ABCB5: variants seen among roughly 807,000 people sequenced by gnomAD.
The protein encoded by ABCB5 is ATP-binding cassette sub-family B member 5.
In ABCB5, 155 loss-of-function variants were observed where a neutral mutation model predicts 144.2. The observed-to-expected ratio is 1.08, with a 90% CI of 0.94 to 1.23. The LOEUF (loss-of-function observed/expected upper bound fraction) is 1.23, where lower values mean the gene tolerates loss of function less well. ABCB5 is among the 50% of genes most tolerant of loss of function. The pLI is 0.00. For synonymous variants in ABCB5, 610 were observed against 528.6 expected, an observed-to-expected ratio of 1.15 and a Z score of -2.11; for missense variants, 1,830 against 1,520.8, an observed-to-expected ratio of 1.20 and a Z score of -3.38.
At position 20,658,664 on chromosome 7, in the gene ABCB5, T is replaced by C. The variant is rs1784895261; in HGVS notation, c.1695T>C (p.Ala565=). ...CAGAAAGCAAGTCAGCTGTTCAAGC[T>C]GCACTGGAGAAGGTAAGTGAGCAGA... The part of the protein sequence containing the change: ...LDSESKSAVQ[A]ALEKASKGRT... Residue 565 remains alanine (A), a synonymous_variant, in exon 14 of 28, where the codon GCT becomes GCC. Transcript: ENST00000404938. 1 of 1,613,938 alleles carries C rather than the reference T, an allele frequency of 6.2e-7. No homozygotes were observed. Among genetic ancestry groups the C allele is most frequent in the Non-Finnish European group, 8.5e-7 (1 of 1,179,948 alleles).
intron 26 of ABCB5, among the ~76,000 whole-genome samples, chr7:20,750,181 A>T (rs1038468798): frequency 2.6e-5 from 4 of 152,220 alleles, no homozygotes; most frequent in African/African-American, 4.8e-5. Flanking sequence ...AGCTATTTCC[A>T]GGGATAGGTT....
chr7:20,746,091 T>G (rs940826828), intron 26 of ABCB5, among the ~76,000 whole-genome samples: 4 of 151,766 alleles, frequency 2.6e-5, no homozygotes, highest in Non-Finnish European at 4.4e-5. Flanking sequence ...TTTGGCATAG[T>G]AGCGCCTTAA....
intron 5 of ABCB5, among the ~76,000 whole-genome samples, chr7:20,638,420 A>G (rs1337324588): frequency 2.0e-5 from 3 of 152,096 alleles, no homozygotes; most frequent in Non-Finnish European, 4.4e-5. Context: ...CAACTTAATG[A>G]TTTTTAGTAA....
At chr7:20,619,454 T>C (rs979339626) in intron 1 of ABCB5, among the ~76,000 whole-genome samples, 1 of 152,228 alleles carries the variant, frequency 6.6e-6, no homozygotes, top group African/African-American at 2.4e-5. Context: ...ATTAGCATTT[T>C]ATGTTTGTTG....
At chr7:20,642,262 C>T (rs547966557) in intron 5 of ABCB5, among the ~76,000 whole-genome samples, 1 of 152,278 alleles carries the variant, frequency 6.6e-6, no homozygotes, top group South Asian at 2.1e-4. Context: ...CCACTTTGGA[C>T]TTCTTTTGTT....
intron 19 of ABCB5, among the ~76,000 whole-genome samples, chr7:20,703,757 G>A (rs1265918487): frequency 6.6e-6 from 1 of 152,172 alleles, no homozygotes; most frequent in African/African-American, 2.4e-5. Flanking sequence ...AATTCCTCAG[G>A]CTGAGAAGCA....
At chr7:20,717,837 T>A (rs1418520406) in intron 20 of ABCB5, among the ~76,000 whole-genome samples, 1 of 151,388 alleles carries the variant, frequency 6.6e-6, no homozygotes, top group Non-Finnish European at 1.5e-5. Flanking sequence ...AATTTATTTA[T>A]TTATAATTAC....
intron 1 of ABCB5, among the ~76,000 whole-genome samples, chr7:20,617,182 G>A (rs1050717468): frequency 6.6e-6 from 1 of 152,106 alleles, no homozygotes; most frequent in Admixed American, 6.5e-5. Flanking sequence ...CAGCAAAGAT[G>A]TCTAGGCTGT....
Position 20,723,211 on chromosome 7 carries a change from G to A in ABCB5, c.2617G>A (p.Ala873Thr), listed in dbSNP as rs372997293. The A allele has an allele frequency of 1.2e-5, 20 of 1,613,874 alleles. No homozygotes were observed. The Middle Eastern group carries it at 9.9e-4, about 80-fold the overall frequency. Reference protein sequence around the residue: ...ANKDKQELKHAGKIATEALEN... With the variant: ...ANKDKQELKHTGKIATEALEN... ...CAAAGATAAGCAAGAACTTAAGCAT[G>A]CTGGAAAGGTAAAATGAAGACTGTT... Residue 873 changes from alanine to threonine, a missense_variant, in exon 21 of 28, where the codon GCT becomes ACT. Transcript: ENST00000404938.
chr7:20,728,527 G>A, intron 23 of ABCB5, 72 bp downstream of exon 23: 2 of 1,534,628 alleles, frequency 1.3e-6, no homozygotes, highest in Non-Finnish European at 1.8e-6. Context: ...GCTGAGGCGG[G>A]TGGATCACTT....
chr7:20,640,456 C>A (rs1784271949), intron 5 of ABCB5, among the ~76,000 whole-genome samples: 1 of 152,132 alleles, frequency 6.6e-6, no homozygotes, highest in Non-Finnish European at 1.5e-5. Context: ...ACTTATCTGA[C>A]ACACCTGTTT....
Position 20,723,105 on chromosome 7 carries a change from G to T in ABCB5, c.2511G>T (p.Met837Ile), listed in dbSNP as rs761658452. The T allele has an allele frequency of 2.5e-6, 4 of 1,614,120 alleles. No individual in the cohort carries two copies. The highest frequency in any genetic ancestry group is 3.4e-6 in the Non-Finnish European group (4 of 1,180,006). ...VIISFIYGWE[M>I]TFLILSIAPV... ...TTTCCTTTATATATGGATGGGAGATGACATTCCTGATTCTGAGTATTGCTC... is the reference window on the plus strand; with the variant it reads ...TTTCCTTTATATATGGATGGGAGATTACATTCCTGATTCTGAGTATTGCTC... The change falls in exon 21 of 28, where the codon ATG (methionine) becomes ATT (isoleucine). Residue 837 changes from methionine to isoleucine, a missense_variant. Transcript: ENST00000404938.
intron 11 of ABCB5, among the ~76,000 whole-genome samples, chr7:20,648,556 T>C (rs1784485471): frequency 6.6e-6 from 1 of 152,158 alleles, no homozygotes; most frequent in Non-Finnish European, 1.5e-5. Flanking sequence ...TCGTACTCCA[T>C]CATTCAGTCT....
At chr7:20,658,475 G>A in intron 13 of ABCB5, 31 bp from the exon 14 acceptor site, 1 of 1,606,690 alleles carries the variant, frequency 6.2e-7, no homozygotes, top group Non-Finnish European at 8.5e-7. Context: ...GCTGCCTTCT[G>A]TTTCTGTGCT....
chr7:20,718,662 T>C (rs1467580038), intron 20 of ABCB5, among the ~76,000 whole-genome samples: 1 of 152,170 alleles, frequency 6.6e-6, no homozygotes, highest in Non-Finnish European at 1.5e-5. Flanking sequence ...GATGCTAATT[T>C]TTTTATAGTT....
chr7:20,700,186 A>G, intron 19 of ABCB5, 51 bp downstream of exon 19: 4 of 1,421,774 alleles, frequency 2.8e-6, no homozygotes, highest in Non-Finnish European at 3.8e-6. Context: ...TTATTGTAAA[A>G]CATTCTAGCT....
chr7:20,638,364 T>C (rs762231231), intron 5 of ABCB5, among the ~76,000 whole-genome samples: 6 of 151,194 alleles, frequency 4.0e-5, no homozygotes, highest in Non-Finnish European at 5.9e-5. Context: ...AATATCTTTG[T>C]TGATGTATAA....
intron 5 of ABCB5, among the ~76,000 whole-genome samples, chr7:20,632,963 T>G: frequency 6.6e-6 from 1 of 151,846 alleles, no homozygotes; most frequent in Non-Finnish European, 1.5e-5. Context: ...TATACATATG[T>G]AACTAACCTG....
At chr7:20,704,340 TGGAATTACA>T (rs1786744456) in intron 19 of ABCB5, among the ~76,000 whole-genome samples, 1 of 152,150 alleles carries the variant, frequency 6.6e-6, no homozygotes, top group South Asian at 2.1e-4. Flanking sequence ...TCCAAAGTGT[TGGAATTACA>T]GGTGTGAGCC....
Sources: allele counts gnomAD v4.1 joint callset (sites outside exome capture counted in the v4.1 genomes callset), GRCh38; gene constraint gnomAD v4.1.1; transcripts MANE v1.5; gene names NCBI Gene and HGNC (gene_info 2026-07-23, HGNC 2026-07-21).